Variants in ZNF10 observed in about 807,000 individuals in gnomAD.
The protein encoded by ZNF10 is zinc finger protein 10 (KOX 1).
Under a neutral mutation model 12.2 loss-of-function variants are expected in ZNF10, and 8 were observed. The observed-to-expected ratio is 0.66, with a 90% CI of 0.39 to 1.18. ZNF10 has a LOEUF of 1.18. Ranked by LOEUF, ZNF10 falls within the 50% of genes most tolerant of loss-of-function variation. ZNF10 has a pLI of 0.01. For missense variants in ZNF10, 603 were observed against 678.9 expected (o/e 0.89, Z 1.24); for synonymous variants, 229 against 228.2 (o/e 1.00, Z -0.03).
chr12:133,151,060 C>T lies in ZNF10; in HGVS notation c.66C>T (p.Asp22=), dbSNP rs1452136623. 1 of 1,613,030 alleles carries T rather than the reference C, an allele frequency of 6.2e-7. No homozygotes were observed. The highest frequency in any genetic ancestry group is 8.5e-7 in the Non-Finnish European group (1 of 1,179,286). ...TGACCTTCAAGGATGTATTTGTGGA[C>T]TTCACCAGGGAGGAGTGGAAGCTGC... is the stretch of plus-strand genomic sequence containing the variant. The part of the protein sequence containing the change: ...TLVTFKDVFV[D]FTREEWKLLD... The change falls in exon 3 of 5, where the codon GAC becomes GAT. Residue 22 remains aspartate, a synonymous_variant. Coordinates refer to ENST00000248211, the MANE Select transcript of ZNF10 (RefSeq NM_015394.5).
chr12:133,141,586 T>G (rs1955944431), intron 1 of ZNF10, among the ~76,000 whole-genome samples: 1 of 152,066 alleles, frequency 6.6e-6, no homozygotes, highest in African/African-American at 2.4e-5. Context: ...AGATTAGATT[T>G]CCAGAAGAAA....
intron 2 of ZNF10, among the ~76,000 whole-genome samples, chr12:133,147,633 G>A (rs1315496044): frequency 7.4e-6 from 1 of 134,826 alleles, no homozygotes; most frequent in East Asian, 2.1e-4. Context: ...TTTTTTGGGA[G>A]ACGGAGTCTT....
At chr12:133,139,980 G>A (rs575143799) in intron 1 of ZNF10, among the ~76,000 whole-genome samples, 1 of 152,108 alleles carries the variant, frequency 6.6e-6, no homozygotes, top group Non-Finnish European at 1.5e-5. Flanking sequence ...AAAGCAGGAG[G>A]ATTACTTGAG....
rs981848220 is a variant in ZNF10 at position 133,157,314 on chromosome 12, G to C, written c.*346G>C. The C allele has an allele frequency of 5.6e-6, 1 of 179,014 alleles. No homozygotes were observed. Among genetic ancestry groups the C allele is most frequent in the African/African-American group, 2.3e-5 (1 of 42,634 alleles). 11.1% of individuals were successfully genotyped at this position (179,014 alleles called of 1,614,324 possible). ...AGAAATGAGTATGCTACTATAGGGA[G>C]AGTTGTTGCTGAGAATTAAGAAATG... On this transcript the variant is annotated 3_prime_UTR_variant, in exon 5 of 5. Coordinates refer to ENST00000248211, the MANE Select transcript of ZNF10 (RefSeq NM_015394.5).
chr12:133,140,638 G>A (rs73162477), intron 1 of ZNF10, among the ~76,000 whole-genome samples: 36,802 of 151,430 alleles, frequency 0.24, 4,859 homozygotes, highest in Non-Finnish European at 0.3. Flanking sequence ...ATTCCATCTC[G>A]GCTGGAAGCA....
rs773081469 is a variant in ZNF10 at position 133,156,613 on chromosome 12, C to G, written c.1367C>G (p.Thr456Ser). 1 of 1,614,088 alleles carries G rather than the reference C, an allele frequency of 6.2e-7. No homozygotes were observed. The highest frequency in any genetic ancestry group is 1.7e-5 in the Admixed American group (1 of 60,012). Residue 456 changes from threonine to serine, a missense_variant, in exon 5 of 5, where the codon ACT (threonine) becomes AGT (serine). By Grantham distance (58) the Thr-to-Ser change is moderately conservative. This residue lies in a region of ZNF10 where 204 missense variants were observed against 262.8 expected (regional missense o/e 0.78). Transcript: ENST00000248211. ...SHLYSHQRTH[T>S]GEKPYECHDC... is the part of the protein sequence containing the mutation. ...CTTTATTCACATCAAAGAACCCACA[C>G]TGGAGAGAAACCATATGAGTGTCAT...
intron 3 of ZNF10, 132 bp downstream of exon 3, chr12:133,151,286 GT>G (rs1593845901): frequency 6.7e-6 from 6 of 899,766 alleles, no homozygotes; most frequent in Admixed American, 3.1e-5. Flanking sequence ...ATAGAACAGG[GT>G]TTTTTTACTC....
At chr12:133,142,773 A>G (rs1250518784) in intron 1 of ZNF10, among the ~76,000 whole-genome samples, 1 of 152,222 alleles carries the variant, frequency 6.6e-6, no homozygotes, top group Non-Finnish European at 1.5e-5. Flanking sequence ...TGCAGCCACT[A>G]TGGAAAACAA....
chr12:133,152,035 CCT>C (rs1956011603), intron 4 of ZNF10, 131 bp downstream of exon 4: 10 of 634,344 alleles, frequency 1.6e-5, no homozygotes, highest in South Asian at 1.4e-4. Context: ...TTATCTGGCC[CCT>C]GTTTCCCCAC....
intron 3 of ZNF10, 71 bp downstream of exon 3, chr12:133,151,225 T>G: frequency 6.7e-7 from 1 of 1,485,562 alleles, no homozygotes. Context: ...CTGAAGCATG[T>G]ATCACACCAG....
At chr12:133,150,102 A>C (rs929420293) in intron 2 of ZNF10, among the ~76,000 whole-genome samples, 10 of 152,270 alleles carry the variant, frequency 6.6e-5, no homozygotes, top group African/African-American at 2.4e-4. Flanking sequence ...ATTTTTGAAA[A>C]ATTTCAGAGA....
chr12:133,156,530 T>G lies in ZNF10; in HGVS notation c.1284T>G (p.Thr428=). The G allele has an allele frequency of 1.9e-6, 3 of 1,614,042 alleles. No individual in the cohort carries two copies. The highest frequency in any genetic ancestry group is 2.5e-6 in the Non-Finnish European group (3 of 1,179,942). The change falls in exon 5 of 5, where the codon ACT becomes ACG. Residue 428 remains threonine, a synonymous_variant. Coordinates refer to ENST00000248211, the MANE Select transcript of ZNF10 (RefSeq NM_015394.5). The stretch of plus-strand genomic sequence containing the variant: ...TTGTTGTGCATCATAGAATTCACAC[T>G]GGACTAAAACCTTTTGAGTGTAAGG... The part of the protein sequence containing the change: ...SHLVVHHRIH[T]GLKPFECKDC...
chr12:133,148,751 G>GGT (rs1955990232), intron 2 of ZNF10, among the ~76,000 whole-genome samples: 1 of 126,760 alleles, frequency 7.9e-6, no homozygotes, highest in African/African-American at 3.0e-5. Flanking sequence ...TTCAATGTTG[G>GGT]TTTTTTTTTT....
At chr12:133,150,639 A>G (rs1956001765) in intron 2 of ZNF10, among the ~76,000 whole-genome samples, 1 of 151,992 alleles carries the variant, frequency 6.6e-6, no homozygotes, top group African/African-American at 2.4e-5. Flanking sequence ...GTTATAAAAC[A>G]TGGCTAGGGT....
At chr12:133,144,559 G>T (rs767591197) in intron 2 of ZNF10, 34 bp downstream of exon 2, 3 of 1,607,734 alleles carry the variant, frequency 1.9e-6, no homozygotes, top group South Asian at 1.1e-5. Context: ...TTCCAACTGG[G>T]AATTCCTTTT....
rs1486885679 is a variant in ZNF10 at position 133,157,989 on chromosome 12, T to TA, written c.*1022dup. The TA allele has an allele frequency of 1.3e-5, 2 of 152,204 alleles. No homozygotes were observed. The highest frequency in any genetic ancestry group is 4.8e-5 in the African/African-American group (2 of 41,454). The allele number at this position is 152,204 out of a possible 1,614,324, so 9.4% of individuals were successfully genotyped here. On this transcript the variant is annotated 3_prime_UTR_variant, in exon 5 of 5. Coordinates refer to ENST00000248211, the MANE Select transcript of ZNF10 (RefSeq NM_015394.5). ...TGATAAACAGAGCACAGTCCAAAGATACCCTCTTTCTCAAGGTAGTCTTTT... is the reference window on the plus strand; with the variant it reads ...TGATAAACAGAGCACAGTCCAAAGATAACCCTCTTTCTCAAGGTAGTCTTTT...
chr12:133,151,960 C>A, intron 4 of ZNF10, 56 bp downstream of exon 4: 1 of 1,428,646 alleles, frequency 7.0e-7, no homozygotes, highest in Non-Finnish European at 9.8e-7. Context: ...TGTGAGGTGC[C>A]AGAACTTCTA....
intron 2 of ZNF10, among the ~76,000 whole-genome samples, chr12:133,145,174 G>A (rs557547851): frequency 1.6e-4 from 25 of 152,204 alleles, no homozygotes; most frequent in African/African-American, 5.5e-4. Flanking sequence ...TACCCCGCCC[G>A]GCCAACCAGT....
At chr12:133,140,202 CAAAAAAAAA>C (rs67577219) in intron 1 of ZNF10, among the ~76,000 whole-genome samples, 4 of 35,202 alleles carry the variant, frequency 1.1e-4, no homozygotes, top group Non-Finnish European at 1.4e-4. Context: ...GACCCTGTCT[CAAAAAAAAA>C]AAAAAAAAAA....
Sources: gnomAD v4.1 joint callset for allele counts (sites outside exome capture counted in the v4.1 genomes callset) on GRCh38, gnomAD v4.1.1 for gene constraint, gnomAD v4.1.1 regional missense constraint, MANE v1.5 for transcripts, NCBI Gene and HGNC (gene_info 2026-07-23, HGNC 2026-07-21) for gene names.